The following RANBP1 variants were observed in gnomAD, a reference collection of about 807,000 sequenced individuals.
RANBP1 encodes the protein ran-specific GTPase-activating protein.
In RANBP1, 16 loss-of-function variants were observed where a neutral mutation model predicts 31.4. That is an observed-to-expected ratio of 0.51 (90% confidence interval 0.34 to 0.77). The LOEUF is 0.77. RANBP1 is among the 30% of genes least tolerant of loss of function. The pLI, the probability that RANBP1 is intolerant of heterozygous loss-of-function variation, is 0.01. For synonymous variants in RANBP1, 129 were observed against 140.5 expected, an observed-to-expected ratio of 0.92 and a Z score of 0.58; for missense variants, 265 against 362.0, an observed-to-expected ratio of 0.73 and a Z score of 2.17.
chr22:20,118,273 G>T lies in RANBP1; in HGVS notation c.247-740G>T, dbSNP rs1030724645. On this transcript the variant is annotated intron_variant, in intron 1 of 5. Coordinates refer to ENST00000430524, the MANE Select transcript of RANBP1 (RefSeq NM_001278639.2). ...TTTTCTTTTCCAGTTTGAGTCTAGTGGTGAAGTCTTGGGTCTCTTACGGAC... is the reference window on the plus strand; with the variant it reads ...TTTTCTTTTCCAGTTTGAGTCTAGTTGTGAAGTCTTGGGTCTCTTACGGAC... 3 of 1,002,332 alleles carry T rather than the reference G, an allele frequency of 3.0e-6. No homozygotes were observed. In the African/African-American group the frequency reaches 5.2e-5, roughly 17 times the overall value. The allele number at this position is 1,002,332 out of a possible 1,614,324, so 62.1% of individuals were successfully genotyped here.
chr22:20,116,697 C>T (rs1213964108), intron 1 of RANBP1: 4 of 1,469,402 alleles, frequency 2.7e-6, no homozygotes, highest in African/African-American at 1.4e-5. Flanking sequence ...ACACCCAGAC[C>T]TCCGTCGGTG....
At chr22:20,121,805 C>T (rs554171231) in intron 2 of RANBP1, among the ~76,000 whole-genome samples, 2 of 150,948 alleles carry the variant, frequency 1.3e-5, no homozygotes, top group Non-Finnish European at 1.5e-5. Flanking sequence ...GTGGGGCAAT[C>T]TCCACTCACT....
At position 20,116,126 on chromosome 22, in the gene RANBP1, C is replaced by T. The variant is rs371028335; in HGVS notation, c.-59C>T. On this transcript the variant is annotated 5_prime_UTR_variant, in exon 1 of 6. It adds an upstream start codon to the 5' untranslated region. Transcript: ENST00000430524. The stretch of plus-strand genomic sequence containing the variant: ...GGCACTGTCCATAGAGGGGTCACCA[C>T]GTCGGCCACTCGTGTTACTGGTGGC... The T allele has an allele frequency of 1.6e-5, 26 of 1,612,550 alleles. No homozygotes were observed. The highest frequency in any genetic ancestry group is 1.4e-5 in the Non-Finnish European group (17 of 1,179,570).
At chr22:20,125,188 G>A in intron 3 of RANBP1, 120 bp from the exon 4 acceptor site, 1 of 1,134,538 alleles carries the variant, frequency 8.8e-7, no homozygotes, top group Non-Finnish European at 1.3e-6. Flanking sequence ...ACCCCAGACT[G>A]TCCCCGTGTT....
At chr22:20,126,423 C>T (rs1602554795) in intron 5 of RANBP1, 55 bp downstream of exon 5, 3 of 1,613,034 alleles carry the variant, frequency 1.9e-6, no homozygotes, top group Non-Finnish European at 2.5e-6. Flanking sequence ...CTGCATCTGA[C>T]TATACTTCCA....
At chr22:20,119,354 C>A in intron 2 of RANBP1, 1 of 569,366 alleles carries the variant, frequency 1.8e-6, no homozygotes, top group Non-Finnish European at 3.1e-6. Flanking sequence ...CAGCCAGTTG[C>A]ATGAAGGGCA....
At chr22:20,117,536 C>T in intron 1 of RANBP1, 1 of 499,636 alleles carries the variant, frequency 2.0e-6, no homozygotes, top group Non-Finnish European at 3.0e-6. Flanking sequence ...GAAGAGCGGG[C>T]GGGCGGGAGG....
chr22:20,116,586 G>T (rs749318029), intron 1 of RANBP1, 156 bp downstream of exon 1: 1 of 1,557,444 alleles, frequency 6.4e-7, no homozygotes, highest in South Asian at 1.2e-5. Context: ...TGCTCTCCTG[G>T]CCACAGCTCT....
At chr22:20,123,541 G>A (rs1437455528) in intron 3 of RANBP1, among the ~76,000 whole-genome samples, 2 of 151,764 alleles carry the variant, frequency 1.3e-5, no homozygotes, top group South Asian at 4.2e-4. Flanking sequence ...AAGAGCAGAT[G>A]TGTGAGGTGC....
At position 20,119,102 on chromosome 22, in the gene RANBP1, G is replaced by A. The variant is rs753621407; in HGVS notation, c.336G>A (p.Glu112=). 2 of 1,612,894 alleles carry A rather than the reference G, an allele frequency of 1.2e-6. No individual in the cohort carries two copies. Among genetic ancestry groups the A allele is most frequent in the South Asian group, 2.2e-5 (2 of 91,060 alleles). ...PQFEPIVSLP[E]QEIKTLEEDE... ...TTGAGCCAATAGTTTCTCTTCCTGA[G>A]CAAGAAATTAAAACACTGGAAGAAG... The change falls in exon 2 of 6, where the codon GAG becomes GAA. Residue 112 remains glutamate, a synonymous_variant. Coordinates refer to ENST00000430524, the MANE Select transcript of RANBP1 (RefSeq NM_001278639.2).
At position 20,116,150 on chromosome 22, in the gene RANBP1, G is replaced by A; in HGVS notation, c.-35G>A. 1.9e-6 allele frequency: 3 copies of A among 1,613,032 alleles called. No homozygotes were observed. Among genetic ancestry groups the A allele is most frequent in the Non-Finnish European group, 2.5e-6 (3 of 1,179,822 alleles). The stretch of plus-strand genomic sequence containing the variant: ...ACGTCGGCCACTCGTGTTACTGGTG[G>A]CTCACTCTCACCCTCCTGTCGCCTC... On this transcript the variant is annotated 5_prime_UTR_variant, in exon 1 of 6. Transcript: ENST00000430524.
rs777984203 is a variant in RANBP1, at chr22:20,116,404, T to C, written c.220T>C (p.Cys74Arg). ...SLKLAWRGTFCSSSLKISEDT... is the reference protein window; with the variant it reads ...SLKLAWRGTFRSSSLKISEDT... ...GAAGCTGGCGTGGCGAGGCACGTTC[T>C]GCAGCTCCAGTTTAAAGATCTCAGA... is the stretch of plus-strand genomic sequence containing the variant. Residue 74 changes from cysteine (C) to arginine (R), a missense_variant, in exon 1 of 6, where the codon TGC becomes CGC. Physicochemically the swap from Cys to Arg is radical, Grantham distance 180. Transcript: ENST00000430524. 1 of 1,611,858 alleles carries C rather than the reference T, an allele frequency of 6.2e-7. No individual in the cohort carries two copies. The highest frequency in any genetic ancestry group is 8.5e-7 in the Non-Finnish European group (1 of 1,179,018).
chr22:20,116,633 T>C, intron 1 of RANBP1: 2 of 1,523,730 alleles, frequency 1.3e-6, no homozygotes, highest in Admixed American at 2.2e-5. Context: ...ACAGATGGGG[T>C]GCTAGGGTGA....
chr22:20,119,036 T>A lies in RANBP1; in HGVS notation c.270T>A (p.Thr90=). Residue 90 remains threonine (T), a synonymous_variant, in exon 2 of 6, where the codon ACT becomes ACA. Transcript: ENST00000430524. ...ISEDTHEDHD[T]STENTDESNH... is the part of the protein sequence containing the mutation. ...AGGACACTCATGAGGACCATGATAC[T>A]TCCACTGAGAATACAGACGAGTCCA... The A allele has an allele frequency of 6.2e-7, 1 of 1,613,146 alleles. No individual in the cohort carries two copies. Among genetic ancestry groups the A allele is most frequent in the Non-Finnish European group, 8.5e-7 (1 of 1,179,860 alleles).
At chr22:20,125,597 C>G (rs1390413158) in intron 4 of RANBP1, 161 bp downstream of exon 4, 2 of 1,518,440 alleles carry the variant, frequency 1.3e-6, no homozygotes, top group Non-Finnish European at 1.8e-6. Flanking sequence ...GGGCCATGCC[C>G]AGACTGAAGC....
chr22:20,116,742 A>G, intron 1 of RANBP1: 1 of 1,360,748 alleles, frequency 7.3e-7, no homozygotes, highest in Non-Finnish European at 1.0e-6. Context: ...CCCCCAGTCT[A>G]CCCTCCCGAC....
At position 20,119,303 on chromosome 22, in the gene RANBP1, G is replaced by A. The variant is rs867970927; in HGVS notation, c.383+154G>A. The A allele has an allele frequency of 2.0e-5, 14 of 707,872 alleles. No homozygotes were observed. The South Asian group carries it at 2.1e-4, about 11-fold the overall frequency. The allele number at this position is 707,872 out of a possible 1,614,324, so 43.8% of individuals were successfully genotyped here. On this transcript the variant is annotated intron_variant, in intron 2 of 5. Transcript: ENST00000430524. ...CTAATCCCATGTGGAAATTTAACCC[G>A]TTCCTTTCATGAATCTTCACCAGAT...
intron 2 of RANBP1, among the ~76,000 whole-genome samples, chr22:20,122,037 G>A (rs1040832422): frequency 3.9e-5 from 6 of 152,156 alleles, no homozygotes; most frequent in African/African-American, 1.4e-4. Context: ...GCGCCCGGTC[G>A]TCTAATTCTC....
intron 1 of RANBP1, 32 bp from the exon 2 acceptor site, chr22:20,118,981 G>A (rs2050116359): frequency 6.2e-7 from 1 of 1,605,634 alleles, no homozygotes; most frequent in Non-Finnish European, 8.5e-7. Flanking sequence ...AGATCCATAG[G>A]CCAGCAGTGT....
Sources: gnomAD v4.1 joint callset for allele counts (sites outside exome capture counted in the v4.1 genomes callset) on GRCh38, gnomAD v4.1.1 for gene constraint, MANE v1.5 for transcripts, NCBI Gene and HGNC (gene_info 2026-07-23, HGNC 2026-07-21) for gene names.